PRMT3: variants seen among roughly 807,000 people sequenced by gnomAD.
PRMT3 encodes protein arginine methyltransferase 3.
Under a neutral mutation model 71.9 loss-of-function variants are expected in PRMT3, and 62 were observed. That is an observed-to-expected ratio of 0.86 (90% CI 0.70 to 1.07). PRMT3 has a LOEUF of 1.07. PRMT3 is among the 50% of genes least tolerant of loss of function. The pLI is 0.00. For missense variants in PRMT3, 663 were observed against 643.0 expected, an observed-to-expected ratio of 1.03 and a Z score of -0.34; for synonymous variants, 213 against 220.4, an observed-to-expected ratio of 0.97 and a Z score of 0.30.
intron 3 of PRMT3, among the ~76,000 whole-genome samples, chr11:20,391,185 A>G (rs556360156): frequency 1.9e-4 from 29 of 152,390 alleles, no homozygotes; most frequent in South Asian, 8.3e-4. Context: ...TATAAATCAT[A>G]AATTCAACTG....
chr11:20,402,816 T>C (rs890515022), intron 7 of PRMT3, 103 bp from the exon 8 acceptor site: 1 of 780,728 alleles, frequency 1.3e-6, no homozygotes, highest in Non-Finnish European at 2.1e-6. Context: ...TAAAAACTGC[T>C]ATGGAAACTA....
At chr11:20,502,362 CTTAA>C (rs1371705592) in intron 15 of PRMT3, among the ~76,000 whole-genome samples, 1 of 152,162 alleles carries the variant, frequency 6.6e-6, no homozygotes, top group Non-Finnish European at 1.5e-5. Flanking sequence ...CTTCATGCTA[CTTAA>C]TTAACTTAAA....
chr11:20,451,671 C>T (rs1850151594), intron 10 of PRMT3, among the ~76,000 whole-genome samples: 1 of 152,030 alleles, frequency 6.6e-6, no homozygotes, highest in Non-Finnish European at 1.5e-5. Flanking sequence ...TGGCTCTACA[C>T]AGTAGATGCC....
chr11:20,388,240 G>A, intron 2 of PRMT3, 86 bp downstream of exon 2: 3 of 1,578,012 alleles, frequency 1.9e-6, no homozygotes, highest in South Asian at 2.3e-5. Flanking sequence ...CGGGCGGGAG[G>A]CAAGCCAGAG....
intron 15 of PRMT3, among the ~76,000 whole-genome samples, chr11:20,502,652 A>T (rs1046544322): frequency 1.8e-4 from 27 of 152,236 alleles, no homozygotes; most frequent in African/African-American, 6.3e-4. Flanking sequence ...AATGAAGATG[A>T]TAACCAGATT....
chr11:20,495,601 G>A (rs1851313903), intron 15 of PRMT3, among the ~76,000 whole-genome samples: 3 of 152,136 alleles, frequency 2.0e-5, no homozygotes. Flanking sequence ...ATCTTATGCA[G>A]TATTCAAGGG....
chr11:20,419,499 T>G (rs10741837), intron 9 of PRMT3, among the ~76,000 whole-genome samples: 118,356 of 152,092 alleles, frequency 0.78, 48,566 homozygotes, highest in Non-Finnish European at 0.92. Flanking sequence ...ATTCTCAGTT[T>G]TCATATGGCA....
At chr11:20,497,948 A>G (rs1851370618) in intron 15 of PRMT3, among the ~76,000 whole-genome samples, 1 of 152,340 alleles carries the variant, frequency 6.6e-6, no homozygotes, top group African/African-American at 2.4e-5. Flanking sequence ...GAACAGACCC[A>G]GAAGTGATGA....
intron 10 of PRMT3, among the ~76,000 whole-genome samples, chr11:20,429,468 C>G (rs1442034640): frequency 6.6e-6 from 1 of 152,184 alleles, no homozygotes; most frequent in East Asian, 1.9e-4. Context: ...ATAAAGAACA[C>G]CTTTCACTTC....
At chr11:20,481,389 T>C (rs1193689515) in intron 13 of PRMT3, among the ~76,000 whole-genome samples, 1 of 152,106 alleles carries the variant, frequency 6.6e-6, no homozygotes, top group Non-Finnish European at 1.5e-5. Context: ...GTTTCTTTAG[T>C]AGATTTCTGT....
At chr11:20,499,001 C>T (rs1851397789) in intron 15 of PRMT3, among the ~76,000 whole-genome samples, 1 of 152,098 alleles carries the variant, frequency 6.6e-6, no homozygotes, top group Non-Finnish European at 1.5e-5. Context: ...TGGAAAATGC[C>T]AGAAATGGTA....
At chr11:20,455,847 T>TA (rs35551575) in intron 11 of PRMT3, among the ~76,000 whole-genome samples, 4,486 of 144,572 alleles carry the variant, frequency 0.031, 80 homozygotes, top group Non-Finnish European at 0.048. Context: ...GACAATTGTG[T>TA]AAAAAAAAAA....
intron 13 of PRMT3, among the ~76,000 whole-genome samples, chr11:20,482,821 CAAGTCAAGTCAAAAATTTGGAAAGACAA>C (rs1850972895): frequency 1.0e-3 from 1 of 996 alleles, no homozygotes; most frequent in South Asian, 0.036. Context: ...CATGGAAAGA[CAAGTCAAGTCAAAAATTTGGAAAGACAA>C]GTCAAGTCAA....
At chr11:20,507,837 T>C (rs910630849) in intron 15 of PRMT3, among the ~76,000 whole-genome samples, 4 of 151,344 alleles carry the variant, frequency 2.6e-5, no homozygotes, top group African/African-American at 9.7e-5. Context: ...CTGGGCACAA[T>C]GGCTCATTCC....
intron 10 of PRMT3, among the ~76,000 whole-genome samples, chr11:20,450,519 G>A (rs1850124419): frequency 6.6e-6 from 1 of 152,130 alleles, no homozygotes; most frequent in South Asian, 2.1e-4. Flanking sequence ...ACATATTACT[G>A]AAGTACTCTA....
At chr11:20,398,726 A>G (rs1848886527) in intron 7 of PRMT3, among the ~76,000 whole-genome samples, 1 of 152,204 alleles carries the variant, frequency 6.6e-6, no homozygotes, top group African/African-American at 2.4e-5. Context: ...ACTGTGTTAC[A>G]GTTGCCTACA....
intron 13 of PRMT3, among the ~76,000 whole-genome samples, chr11:20,476,025 A>C (rs1358534599): frequency 1.3e-5 from 2 of 151,944 alleles, no homozygotes; most frequent in African/African-American, 2.4e-5. Flanking sequence ...CTATGTGCCA[A>C]GTACTTGTCT....
rs1359348374 is a variant in PRMT3 at position 20,508,896 on chromosome 11, T to A, written c.*483T>A. The A allele has an allele frequency of 5.4e-6, 1 of 186,774 alleles. No individual in the cohort carries two copies. Among genetic ancestry groups the A allele is most frequent in the African/African-American group, 2.4e-5 (1 of 42,460 alleles). The allele number at this position is 186,774 out of a possible 1,614,324, so 11.6% of individuals were successfully genotyped here. A position where few individuals can be genotyped will look rare whatever the true frequency, so the allele number is the denominator to read the frequency against. On this transcript the variant is annotated 3_prime_UTR_variant, in exon 16 of 16. Transcript: ENST00000331079. ...AGAAAATCAGGATGTAATAAAGATT[T>A]GTATAAAAAAACTAAAATATGGAAA...
At chr11:20,459,647 T>A (rs1590079836) in intron 11 of PRMT3, among the ~76,000 whole-genome samples, 1 of 152,318 alleles carries the variant, frequency 6.6e-6, no homozygotes, top group Middle Eastern at 3.4e-3. Context: ...TCTTTAATGA[T>A]GAAACGACAG....
Sources: gnomAD v4.1 joint callset for allele counts (sites outside exome capture counted in the v4.1 genomes callset) on GRCh38, gnomAD v4.1.1 for gene constraint, MANE v1.5 for transcripts, NCBI Gene and HGNC (gene_info 2026-07-23, HGNC 2026-07-21) for gene names.